The following MED12L variants were observed in gnomAD, a reference collection of about 807,000 sequenced individuals.
The protein encoded by MED12L is mediator of RNA polymerase II transcription subunit 12-like protein.
In MED12L, 60 loss-of-function variants were observed where a neutral mutation model predicts 281.3. The ratio of observed to expected loss-of-function variants is 0.21; its 90% CI spans 0.17 to 0.26. MED12L has a LOEUF of 0.26. Ranked by LOEUF, MED12L falls within the 10% of genes least tolerant of loss-of-function variation. The pLI is 1.00. For missense variants in MED12L, 2,146 were observed against 2,680.9 expected, an observed-to-expected ratio of 0.80 and a Z score of 4.41; for synonymous variants, 974 against 987.2, an observed-to-expected ratio of 0.99 and a Z score of 0.25.
chr3:151,314,280 G>T lies in MED12L; in HGVS notation c.2251-35779G>T, dbSNP rs896145953. 2.0e-5 allele frequency among the ~76,000 whole-genome samples: 3 copies of T among 152,108 alleles called. No homozygotes were observed. In the East Asian group the frequency reaches 5.8e-4, roughly 29 times the overall value. On this transcript the variant is annotated intron_variant, in intron 16 of 44. Coordinates refer to ENST00000687756, the MANE Select transcript of MED12L (RefSeq NM_001393769.1). ...TAATGAAACAAAATATGTTAATTAG[G>T]TACAAGATAGAGAACAAATATTCTA...
At chr3:151,170,102 A>G (rs1006006634) in intron 11 of MED12L, among the ~76,000 whole-genome samples, 1 of 152,080 alleles carries the variant, frequency 6.6e-6, no homozygotes, top group East Asian at 1.9e-4. Flanking sequence ...AAGCCTGTTG[A>G]AAACTGCAGT....
chr3:151,201,765 T>C (rs1434510887), intron 16 of MED12L, among the ~76,000 whole-genome samples: 3 of 152,258 alleles, frequency 2.0e-5, no homozygotes, highest in Non-Finnish European at 4.4e-5. Context: ...ACTTTTCTTC[T>C]TTATGTGAAA....
chr3:151,157,981 G>A (rs1468803551), intron 6 of MED12L, among the ~76,000 whole-genome samples: 1 of 152,100 alleles, frequency 6.6e-6, no homozygotes, highest in Non-Finnish European at 1.5e-5. Context: ...ATAAAATAAT[G>A]TGTTTATCTA....
chr3:151,236,503 C>G (rs190482438), intron 16 of MED12L, among the ~76,000 whole-genome samples: 23 of 152,306 alleles, frequency 1.5e-4, no homozygotes, highest in Admixed American at 5.2e-4. Context: ...GTAACCAAAA[C>G]GAAAGCCAAG....
At chr3:151,349,436 T>C (rs1577400101) in intron 16 of MED12L, among the ~76,000 whole-genome samples, 1 of 152,258 alleles carries the variant, frequency 6.6e-6, no homozygotes, top group East Asian at 1.9e-4. Context: ...CACACAGTCA[T>C]GTTGGAAATA....
chr3:151,301,372 T>C (rs1745899493), intron 16 of MED12L, among the ~76,000 whole-genome samples: 1 of 152,230 alleles, frequency 6.6e-6, no homozygotes, highest in Admixed American at 6.5e-5. Context: ...TTTATGTTTC[T>C]CTGTTCTCAA....
intron 24 of MED12L, 136 bp downstream of exon 24, chr3:151,367,902 G>A: frequency 9.4e-7 from 1 of 1,060,420 alleles, no homozygotes; most frequent in East Asian, 2.4e-5. Context: ...GGTAGATATG[G>A]TAGAATTTTA....
At chr3:151,192,463 T>TA (rs1254950074) in intron 14 of MED12L, 87 bp from the exon 15 acceptor site, 20 of 982,158 alleles carry the variant, frequency 2.0e-5, no homozygotes, top group African/African-American at 1.3e-4. Flanking sequence ...CAGAGATGGT[T>TA]AAAAATCCCA....
intron 44 of MED12L, among the ~76,000 whole-genome samples, chr3:151,431,543 T>G (rs1719509961): frequency 6.6e-6 from 1 of 152,142 alleles, no homozygotes; most frequent in African/African-American, 2.4e-5. Context: ...TTCTAGCTAC[T>G]GTTTACTGTT....
chr3:151,281,075 A>G (rs1292227287), intron 16 of MED12L, among the ~76,000 whole-genome samples: 2 of 150,990 alleles, frequency 1.3e-5, no homozygotes, highest in African/African-American at 4.9e-5. Context: ...TATTTATTCT[A>G]TCTTCATATG....
intron 2 of MED12L, among the ~76,000 whole-genome samples, chr3:151,091,770 T>C (rs1047036996): frequency 1.3e-5 from 2 of 152,194 alleles, no homozygotes; most frequent in Non-Finnish European, 2.9e-5. Context: ...CTGGCCCTTG[T>C]TCACCTCTGC....
At chr3:151,198,985 T>TA in intron 16 of MED12L, 1 of 1,614,052 alleles carries the variant, frequency 6.2e-7, no homozygotes, top group Non-Finnish European at 8.5e-7. Flanking sequence ...CAACGGTTGA[T>TA]ATCATTTTGG....
At chr3:151,105,536 T>G (rs868046607) in intron 2 of MED12L, among the ~76,000 whole-genome samples, 69 of 152,150 alleles carry the variant, frequency 4.5e-4, no homozygotes, top group African/African-American at 1.5e-3. Context: ...TTCCCTCAGC[T>G]TCTGAGGTAA....
chr3:151,370,931 A>G (rs749472019), intron 26 of MED12L, among the ~76,000 whole-genome samples: 1 of 152,202 alleles, frequency 6.6e-6, no homozygotes, highest in Non-Finnish European at 1.5e-5. Context: ...CATAATTTGG[A>G]GGATTCCCTG....
chr3:151,382,297 G>A (rs1230488194), intron 32 of MED12L, among the ~76,000 whole-genome samples: 1 of 152,120 alleles, frequency 6.6e-6, no homozygotes, highest in Non-Finnish European at 1.5e-5. Context: ...ACAGGACTGA[G>A]GCAAAATGTA....
chr3:151,138,697 G>T (rs1248046463), intron 5 of MED12L, among the ~76,000 whole-genome samples: 1 of 152,192 alleles, frequency 6.6e-6, no homozygotes, highest in Non-Finnish European at 1.5e-5. Context: ...TTAGACCAGG[G>T]TTACAGAAGT....
chr3:151,360,378 T>C, intron 20 of MED12L, 96 bp from the exon 21 acceptor site: 1 of 1,122,502 alleles, frequency 8.9e-7, no homozygotes, highest in Non-Finnish European at 1.3e-6. Flanking sequence ...TCCTTTTTCT[T>C]ACCCAAGTGA....
rs375554576 is a variant in MED12L, at chr3:151,350,136, G to A, written c.2328G>A (p.Arg776=). 1 of 1,613,214 alleles carries A rather than the reference G, an allele frequency of 6.2e-7. No individual in the cohort carries two copies. The highest frequency in any genetic ancestry group is 8.5e-7 in the Non-Finnish European group (1 of 1,179,504). Residue 776 remains arginine, a synonymous_variant, in exon 17 of 45, where the codon AGG becomes AGA. Coordinates refer to ENST00000687756, the MANE Select transcript of MED12L (RefSeq NM_001393769.1). ...YGVGKERDEA[R]HQLKKITKDI... ...TCGGCAAAGAGCGTGATGAAGCAAG[G>A]CATCAGCTGAAGAAGATTACCAAAG... is the stretch of plus-strand genomic sequence containing the variant.
rs1482246610 is a variant in MED12L at position 151,344,279 on chromosome 3, A to G, written c.2251-5780A>G. Among the ~76,000 whole-genome samples, 3 of 146,320 alleles carry G rather than the reference A, an allele frequency of 2.1e-5. No individual in the cohort carries two copies. In the Admixed American group the frequency reaches 2.1e-4, roughly 10 times the overall value. On this transcript the variant is annotated intron_variant, in intron 16 of 44. Coordinates refer to ENST00000687756, the MANE Select transcript of MED12L (RefSeq NM_001393769.1). ...CCTATTTTCTTGATTTACAGAAAATATACTCTATGTATAGTTACTAATGAT... is the reference window on the plus strand; with the variant it reads ...CCTATTTTCTTGATTTACAGAAAATGTACTCTATGTATAGTTACTAATGAT...
Sources: allele counts gnomAD v4.1 joint callset (sites outside exome capture counted in the v4.1 genomes callset), GRCh38; gene constraint gnomAD v4.1.1; transcripts MANE v1.5; gene names NCBI Gene and HGNC (gene_info 2026-07-23, HGNC 2026-07-21).